The following CDS2 variants were observed in gnomAD, a reference collection of about 807,000 sequenced individuals.
CDS2 encodes CDP-diacylglycerol synthase 2.
Under a neutral mutation model 59.0 loss-of-function variants are expected in CDS2, and 47 were observed. That is an observed-to-expected ratio of 0.80 (90% CI 0.63 to 1.02). CDS2 has a LOEUF of 1.02. Ranked by LOEUF, CDS2 falls within the 50% of genes least tolerant of loss-of-function variation. CDS2 has a pLI of 0.00. For synonymous variants in CDS2, 207 were observed against 206.4 expected (o/e 1.00, Z -0.02); for missense variants, 356 against 558.9 (o/e 0.64, Z 3.66).
chr20:5,171,960 C>A, intron 1 of CDS2, among the ~76,000 whole-genome samples: 1 of 152,232 alleles, frequency 6.6e-6, no homozygotes. Context: ...CTGCACTAGG[C>A]GAGGCCCTCT....
intron 1 of CDS2, among the ~76,000 whole-genome samples, chr20:5,151,398 T>C (rs951436243): frequency 2.0e-5 from 3 of 152,322 alleles, no homozygotes; most frequent in African/African-American, 7.2e-5. Flanking sequence ...AAATTAATGT[T>C]TACTAAGATG....
intron 2 of CDS2, 64 bp downstream of exon 2, chr20:5,173,723 A>G: frequency 6.3e-7 from 1 of 1,589,236 alleles, no homozygotes; most frequent in Non-Finnish European, 8.6e-7. Context: ...GTGCCCTGGA[A>G]GAGCCTGCAG....
At position 5,197,131 on chromosome 20, in the gene CDS2, G is replaced by C. The variant is rs2091163454; in HGVS notation, c.*6897G>C. 1 of 151,938 alleles carries C rather than the reference G, an allele frequency of 6.6e-6. No individual in the cohort carries two copies. The highest frequency in any genetic ancestry group is 2.1e-4 in the South Asian group (1 of 4,820). 9.4% of individuals were successfully genotyped at this position (151,938 alleles called of 1,614,324 possible). A position where few individuals can be genotyped will look rare whatever the true frequency, so the allele number is the denominator to read the frequency against. ...TGGGTTATCTTCTAGAGTTGATACT[G>C]ATAATATATTTTAATTTTTATTGAT... On this transcript the variant is annotated 3_prime_UTR_variant, in exon 13 of 13. Transcript: ENST00000460006.
chr20:5,164,813 G>A (rs755377940), intron 1 of CDS2, among the ~76,000 whole-genome samples: 13 of 152,160 alleles, frequency 8.5e-5, no homozygotes, highest in African/African-American at 1.2e-4. Context: ...TGATGTCATC[G>A]GAACAGAGCC....
chr20:5,146,372 TGAAA>T (rs1277105304), intron 1 of CDS2, among the ~76,000 whole-genome samples: 1 of 152,122 alleles, frequency 6.6e-6, no homozygotes, highest in African/African-American at 2.4e-5. Context: ...AGGAAACCGA[TGAAA>T]GAGTCAGGAG....
At chr20:5,131,634 A>G (rs181852240) in intron 1 of CDS2, among the ~76,000 whole-genome samples, 3 of 152,370 alleles carry the variant, frequency 2.0e-5, no homozygotes, top group East Asian at 3.9e-4. Context: ...TGAAACCCAT[A>G]TGGAGAGGAA....
rs11470811 is a variant in CDS2 at position 5,145,822 on chromosome 20, GTTTTTT to G, written c.57+18687_57+18692del. On this transcript the variant is annotated intron_variant, in intron 1 of 12. Transcript: ENST00000460006. The stretch of plus-strand genomic sequence containing the variant: ...CCAAGTTGTGTGTTTTGCTTTTTGT[GTTTTTT>G]TTTTTTTTTTTTTGAGACAAAGTCT... 1.2e-4 allele frequency among the ~76,000 whole-genome samples: 16 copies of G among 129,264 alleles called. No individual in the cohort carries two copies. The South Asian group carries it at 4.0e-3, about 32-fold the overall frequency. The allele number at this position is 129,264 out of a possible 152,430, so 84.8% of individuals were successfully genotyped here.
chr20:5,152,075 CT>C (rs1211588192), intron 1 of CDS2, among the ~76,000 whole-genome samples: 9 of 105,394 alleles, frequency 8.5e-5, no homozygotes, highest in African/African-American at 3.5e-4. Flanking sequence ...GACTCCATGG[CT>C]TTTTAAAAAA....
At chr20:5,147,270 A>AT (rs1289654240) in intron 1 of CDS2, among the ~76,000 whole-genome samples, 1 of 152,226 alleles carries the variant, frequency 6.6e-6, no homozygotes, top group Non-Finnish European at 1.5e-5. Context: ...CTGGGAGATT[A>AT]TAAGGATGGA....
intron 1 of CDS2, among the ~76,000 whole-genome samples, chr20:5,171,402 G>A (rs17178947): frequency 0.099 from 15,115 of 152,260 alleles, 825 homozygotes; most frequent in Middle Eastern, 0.23. Flanking sequence ...GCTTCTAGAG[G>A]CTCCTGAATG....
At chr20:5,139,738 A>C (rs576460498) in intron 1 of CDS2, among the ~76,000 whole-genome samples, 3 of 151,570 alleles carry the variant, frequency 2.0e-5, no homozygotes, top group African/African-American at 7.3e-5. Context: ...TTCTGTACTT[A>C]ATTTATTGAG....
In CDS2 at chr20:5,190,342, T is replaced by A; in HGVS notation, c.*108T>A. 1.8e-4 allele frequency: 33 copies of A among 179,368 alleles called. No individual in the cohort carries two copies. The highest frequency in any genetic ancestry group is 2.8e-4 in the Non-Finnish European group (31 of 112,268). 11.1% of individuals were successfully genotyped at this position (179,368 alleles called of 1,614,324 possible). A position where few individuals can be genotyped will look rare whatever the true frequency, so the allele number is the denominator to read the frequency against. On this transcript the variant is annotated 3_prime_UTR_variant, in exon 13 of 13. Coordinates refer to ENST00000460006, the MANE Select transcript of CDS2 (RefSeq NM_003818.4). ...AATGACGAGGCTTCAACTCACTGTC[T>A]TTTTTTTTTTTTTTTGGAGGGTATT...
intron 1 of CDS2, among the ~76,000 whole-genome samples, chr20:5,155,161 T>C (rs760201629): frequency 6.6e-6 from 1 of 152,228 alleles, no homozygotes; most frequent in Non-Finnish European, 1.5e-5. Flanking sequence ...GGTGGTTCCT[T>C]GGAGGCACTC....
At chr20:5,170,680 C>T (rs868589236) in intron 1 of CDS2, among the ~76,000 whole-genome samples, 15 of 152,318 alleles carry the variant, frequency 9.8e-5, no homozygotes, top group Middle Eastern at 3.4e-3. Flanking sequence ...GATGCTTCCT[C>T]AGTAGGCCCG....
At chr20:5,129,136 T>C (rs2090581565) in intron 1 of CDS2, among the ~76,000 whole-genome samples, 1 of 152,172 alleles carries the variant, frequency 6.6e-6, no homozygotes, top group Non-Finnish European at 1.5e-5. Context: ...TGAGGTCCAC[T>C]TGTGGCGTGT....
At chr20:5,145,822 GT>G (rs11470811) in intron 1 of CDS2, among the ~76,000 whole-genome samples, 6,200 of 129,126 alleles carry the variant, frequency 0.048, 234 homozygotes, top group African/African-American at 0.14. Flanking sequence ...TGCTTTTTGT[GT>G]TTTTTTTTTT....
rs138757559 is a variant in CDS2 at position 5,190,195 on chromosome 20, C to T, written c.1299C>T (p.Ile433=). 342 of 1,614,030 alleles carry T rather than the reference C, an allele frequency of 2.1e-4. No homozygotes were observed. Among genetic ancestry groups the T allele is most frequent in the Admixed American group, 3.2e-4 (19 of 60,008 alleles). The change falls in exon 13 of 13, where the codon ATC becomes ATT. Residue 433 remains isoleucine, a synonymous_variant. Transcript: ENST00000460006. ...HIFNTLRSHL[I]DKGMLTSTTE... is the part of the protein sequence containing the mutation. ...TCAACACGCTGCGGTCTCATCTGATCGACAAAGGGATGCTGACATCCACCA... is the reference window on the plus strand; with the variant it reads ...TCAACACGCTGCGGTCTCATCTGATTGACAAAGGGATGCTGACATCCACCA...
At chr20:5,153,258 G>A (rs1208588091) in intron 1 of CDS2, among the ~76,000 whole-genome samples, 2 of 152,118 alleles carry the variant, frequency 1.3e-5, no homozygotes, top group Non-Finnish European at 2.9e-5. Flanking sequence ...TACTTTTTAT[G>A]TACACTTTTT....
At chr20:5,140,003 T>C (rs985525139) in intron 1 of CDS2, among the ~76,000 whole-genome samples, 1 of 152,220 alleles carries the variant, frequency 6.6e-6, no homozygotes, top group African/African-American at 2.4e-5. Flanking sequence ...GGTTTTGCCA[T>C]GTTGGCGAGG....
Sources: allele counts gnomAD v4.1 joint callset (sites outside exome capture counted in the v4.1 genomes callset), GRCh38; gene constraint gnomAD v4.1.1; transcripts MANE v1.5; gene names NCBI Gene and HGNC (gene_info 2026-07-23, HGNC 2026-07-21).